Variants in RERE observed in about 807,000 individuals in gnomAD.
RERE encodes arginine-glutamic acid dipeptide repeats, also known as arginine-glutamic acid dipeptide repeats protein.
Under a neutral mutation model 146.1 loss-of-function variants are expected in RERE, and 40 were observed. The observed-to-expected ratio is 0.27, with a 90% CI of 0.21 to 0.36. The LOEUF (loss-of-function observed/expected upper bound fraction) is 0.36, where lower values mean the gene tolerates loss of function less well. Among genes scored for constraint, RERE ranks in the 10% least tolerant of loss-of-function variants. The pLI, the probability that RERE is intolerant of heterozygous loss-of-function variation, is 1.00. For synonymous variants in RERE, 1,003 were observed against 866.0 expected, an observed-to-expected ratio of 1.16 and a Z score of -2.78; for missense variants, 1,933 against 2,138.7, an observed-to-expected ratio of 0.90 and a Z score of 1.90.
At chr1:8,403,486 C>T (rs1436488462) in intron 12 of RERE, among the ~76,000 whole-genome samples, 13 of 148,036 alleles carry the variant, frequency 8.8e-5, no homozygotes, top group African/African-American at 2.8e-4. Context: ...CTGTCTCAGC[C>T]TCCTGAATAG....
At chr1:8,613,935 C>T (rs1646820879) in intron 4 of RERE, among the ~76,000 whole-genome samples, 1 of 152,124 alleles carries the variant, frequency 6.6e-6, no homozygotes, top group Admixed American at 6.5e-5. Flanking sequence ...CACATGGGTC[C>T]CTGTGTTTTA....
At chr1:8,602,976 A>T (rs1426936882) in intron 4 of RERE, among the ~76,000 whole-genome samples, 1 of 152,230 alleles carries the variant, frequency 6.6e-6, no homozygotes, top group Non-Finnish European at 1.5e-5. Flanking sequence ...CCCTTCTCTT[A>T]ATCTAGCTAA....
chr1:8,538,126 T>C lies in RERE; in HGVS notation c.830+3088A>G, dbSNP rs1317736. On this transcript the variant is annotated intron_variant, in intron 7 of 22. Transcript: ENST00000400908. ...AAAGTCTGCAGTCATGGAATCACTA[T>C]TCCTTAAATTTCCAGTGGACTTTCC... Among the ~76,000 whole-genome samples, 925 of 152,338 alleles carry C rather than the reference T, an allele frequency of 6.1e-3. 10 individuals carry two copies. Among genetic ancestry groups the C allele is most frequent in the South Asian group, 0.045 (218 of 4,826 alleles).
Position 8,657,030 on chromosome 1 carries a change from C to T in RERE, c.-144-589G>A, listed in dbSNP as rs1431404171. 3.3e-5 allele frequency among the ~76,000 whole-genome samples: 5 copies of T among 152,232 alleles called. No individual in the cohort carries two copies. The East Asian group carries it at 7.7e-4, about 24-fold the overall frequency. ...AAAATGTCTCAGGATAGGCCGGGCG[C>T]GGTGGCTCACGCCTGTAATCCCAGC... On this transcript the variant is annotated intron_variant, in intron 1 of 22. Transcript: ENST00000400908.
intron 12 of RERE, among the ~76,000 whole-genome samples, chr1:8,377,214 G>A (rs1386601701): frequency 6.6e-6 from 1 of 152,216 alleles, no homozygotes; most frequent in Admixed American, 6.5e-5. Context: ...CCTCTGGCCT[G>A]GAAGCCCTGG....
intron 2 of RERE, among the ~76,000 whole-genome samples, chr1:8,629,869 T>C (rs1187546869): frequency 6.6e-6 from 1 of 152,202 alleles, no homozygotes; most frequent in Non-Finnish European, 1.5e-5. Context: ...CACTCTGATA[T>C]AATTTCCAAT....
chr1:8,707,286 A>C (rs1458967371), intron 1 of RERE, among the ~76,000 whole-genome samples: 2 of 152,264 alleles, frequency 1.3e-5, no homozygotes, highest in African/African-American at 4.8e-5. Context: ...TTATAATTAA[A>C]TCGAAAGTCT....
intron 11 of RERE, among the ~76,000 whole-genome samples, chr1:8,433,329 C>CA (rs1448038388): frequency 6.6e-6 from 1 of 152,182 alleles, no homozygotes; most frequent in Non-Finnish European, 1.5e-5. Context: ...TCCAAAAAGA[C>CA]ATCTTGTCTT....
intron 10 of RERE, among the ~76,000 whole-genome samples, chr1:8,471,594 G>A (rs763019854): frequency 2.8e-5 from 4 of 143,096 alleles, no homozygotes; most frequent in Non-Finnish European, 6.0e-5. Flanking sequence ...GCCCACTTCC[G>A]CCTGAATTCC....
chr1:8,681,761 A>G (rs1254405925), intron 1 of RERE, among the ~76,000 whole-genome samples: 1 of 152,212 alleles, frequency 6.6e-6, no homozygotes, highest in Non-Finnish European at 1.5e-5. Context: ...CGCAATCACC[A>G]CAGATTTCCA....
intron 12 of RERE, chr1:8,381,125 C>T (rs76394043): frequency 1.8e-5 from 7 of 388,378 alleles, no homozygotes; most frequent in East Asian, 1.5e-4. Context: ...CCATAGGAAG[C>T]GAGTTTCCGA....
At chr1:8,679,923 G>A (rs74050270) in intron 1 of RERE, among the ~76,000 whole-genome samples, 4,008 of 152,192 alleles carry the variant, frequency 0.026, 162 homozygotes, top group African/African-American at 0.09. Context: ...GAGAGGAAGC[G>A]GGAAAGAACT....
rs903857580 is a variant in RERE at position 8,558,946 on chromosome 1, C to T, written c.523-1423G>A. 1.9e-4 allele frequency among the ~76,000 whole-genome samples: 29 copies of T among 151,278 alleles called. 1 individual carries two copies. The highest frequency in any genetic ancestry group is 7.0e-4 in the African/African-American group (29 of 41,282). Reference sequence around the variant, plus strand: ...AAGTAGCTGGGATTATAGGTGTGTGCCACCATGCCCAGCTATTTTTTGTAT... The same window carrying T: ...AAGTAGCTGGGATTATAGGTGTGTGTCACCATGCCCAGCTATTTTTTGTAT... On this transcript the variant is annotated intron_variant, in intron 4 of 22. Coordinates refer to ENST00000400908, the MANE Select transcript of RERE (RefSeq NM_001042681.2).
intron 12 of RERE, among the ~76,000 whole-genome samples, chr1:8,419,879 G>A (rs1192716669): frequency 2.0e-5 from 3 of 151,904 alleles, no homozygotes; most frequent in Non-Finnish European, 2.9e-5. Context: ...ATTTTATAAC[G>A]ACCACAGCAC....
intron 1 of RERE, among the ~76,000 whole-genome samples, chr1:8,685,441 G>C (rs796089541): frequency 6.6e-6 from 1 of 152,016 alleles, no homozygotes; most frequent in Admixed American, 6.6e-5. Flanking sequence ...ATCTATTAAG[G>C]CCGGGCGCGG....
intron 1 of RERE, among the ~76,000 whole-genome samples, chr1:8,812,242 AC>A (rs1349442945): frequency 5.9e-5 from 9 of 152,208 alleles, no homozygotes; most frequent in Non-Finnish European, 1.3e-4. Flanking sequence ...TTCCTCAAAT[AC>A]CGAGTGGTTT....
chr1:8,396,200 C>G (rs774138444), intron 12 of RERE, among the ~76,000 whole-genome samples: 2 of 152,174 alleles, frequency 1.3e-5, no homozygotes, highest in Non-Finnish European at 2.9e-5. Flanking sequence ...GGGGGAAGGG[C>G]TGCTGTGCTA....
In RERE at chr1:8,354,931, C is replaced by A; in HGVS notation, c.*156G>T. On this transcript the variant is annotated 3_prime_UTR_variant, in exon 23 of 23. Coordinates refer to ENST00000400908, the MANE Select transcript of RERE (RefSeq NM_001042681.2). ...AAATCCTCTCGACAAACGAACACTA[C>A]TATGTGGATACATTTTTAGTTGTGG... 1 of 656,866 alleles carries A rather than the reference C, an allele frequency of 1.5e-6. No individual in the cohort carries two copies. Among genetic ancestry groups the A allele is most frequent in the Non-Finnish European group, 2.6e-6 (1 of 382,028 alleles). The allele number at this position is 656,866 out of a possible 1,614,324, so 40.7% of individuals were successfully genotyped here.
At chr1:8,584,170 G>A (rs768148549) in intron 4 of RERE, among the ~76,000 whole-genome samples, 18 of 152,026 alleles carry the variant, frequency 1.2e-4, no homozygotes, top group Admixed American at 1.3e-4. Context: ...AGCTGGCAAT[G>A]TCTTAAGAAA....
Sources: allele counts gnomAD v4.1 joint callset (sites outside exome capture counted in the v4.1 genomes callset), GRCh38; gene constraint gnomAD v4.1.1; transcripts MANE v1.5; gene names NCBI Gene and HGNC (gene_info 2026-07-23, HGNC 2026-07-21).